The following CCDC171 variants were observed in gnomAD, a reference collection of about 807,000 sequenced individuals.
CCDC171 encodes coiled-coil domain containing 171.
In CCDC171, 177 loss-of-function variants were observed where a neutral mutation model predicts 168.2. That is an observed-to-expected ratio of 1.05 (90% confidence interval 0.93 to 1.19). The LOEUF is 1.19. Ranked by LOEUF, CCDC171 falls within the 50% of genes most tolerant of loss-of-function variation. The pLI is 0.00. For synonymous variants in CCDC171, 687 were observed against 540.8 expected (o/e 1.27, Z -3.75); for missense variants, 1,991 against 1,539.0 (o/e 1.29, Z -4.91).
intron 21 of CCDC171, among the ~76,000 whole-genome samples, chr9:15,811,664 C>T (rs2059362859): frequency 6.6e-6 from 1 of 151,944 alleles, no homozygotes; most frequent in Admixed American, 6.6e-5. Context: ...TTCTTGAGTC[C>T]TGTCTTACAT....
At position 15,971,885 on chromosome 9, in the gene CCDC171, T is replaced by G; in HGVS notation, c.*49T>G. The G allele has an allele frequency of 3.4e-6, 5 of 1,472,752 alleles. No individual in the cohort carries two copies. In the South Asian group the frequency reaches 5.9e-5, roughly 17 times the overall value. 91.2% of individuals were successfully genotyped at this position (1,472,752 alleles called of 1,614,324 possible). A position where few individuals can be genotyped will look rare whatever the true frequency, so the allele number is the denominator to read the frequency against. ...GAAGAGTTAACAGTACAATTAAAAT[T>G]GTTTTGAATGGGAATTTTCTTATCA... On this transcript the variant is annotated 3_prime_UTR_variant, in exon 26 of 26. Coordinates refer to ENST00000380701, the MANE Select transcript of CCDC171 (RefSeq NM_173550.4).
At chr9:15,643,000 T>C (rs1244149627) in intron 7 of CCDC171, among the ~76,000 whole-genome samples, 1 of 152,148 alleles carries the variant, frequency 6.6e-6, no homozygotes, top group Non-Finnish European at 1.5e-5. Flanking sequence ...TTTTGGAATC[T>C]GAGAAAATAT....
intron 5 of CCDC171, among the ~76,000 whole-genome samples, 186 bp from the exon 6 acceptor site, chr9:15,593,851 TTAAA>T (rs1564006369): frequency 6.6e-6 from 1 of 152,032 alleles, no homozygotes; most frequent in Non-Finnish European, 1.5e-5. Context: ...AATCTGTTGT[TTAAA>T]TAAACATAGT....
intron 25 of CCDC171, among the ~76,000 whole-genome samples, chr9:15,949,245 G>A (rs994482726): frequency 5.9e-5 from 9 of 152,162 alleles, no homozygotes; most frequent in African/African-American, 2.2e-4. Context: ...ATAGTTTGAA[G>A]TCAGGTAGCA....
chr9:16,032,243 C>A (rs1326656741), intron 6 of CCDC171, among the ~76,000 whole-genome samples: 2 of 152,068 alleles, frequency 1.3e-5, no homozygotes, highest in Non-Finnish European at 2.9e-5. Flanking sequence ...CAGAGGAATG[C>A]ATTTTAGAAA....
the CCDC171 span, among the ~76,000 whole-genome samples, chr9:16,080,432 A>G: frequency 3.3e-5 from 5 of 152,072 alleles, no homozygotes; most frequent in African/African-American, 1.2e-4. Context: ...TATTTCTGTT[A>G]AGCTTCTTAA....
chr9:15,795,194 A>G (rs375762697), intron 21 of CCDC171, among the ~76,000 whole-genome samples: 6 of 152,174 alleles, frequency 3.9e-5, no homozygotes, highest in African/African-American at 1.4e-4. Flanking sequence ...GTGTGCTTGC[A>G]TTCTCTGGGG....
the CCDC171 span, among the ~76,000 whole-genome samples, chr9:16,098,516 C>T: frequency 6.6e-6 from 1 of 152,202 alleles, no homozygotes; most frequent in Non-Finnish European, 1.5e-5. Flanking sequence ...GAGTAAGCCA[C>T]CTAATTTCCC....
At chr9:15,993,098 A>G (rs1319795160) in intron 3 of CCDC171, among the ~76,000 whole-genome samples, 1 of 152,140 alleles carries the variant, frequency 6.6e-6, no homozygotes, top group Non-Finnish European at 1.5e-5. Context: ...AAACTACTTT[A>G]AAGTTCATAT....
intron 8 of CCDC171, among the ~76,000 whole-genome samples, chr9:15,664,065 A>G (rs192123428): frequency 2.6e-5 from 4 of 152,138 alleles, no homozygotes; most frequent in Admixed American, 2.6e-4. Flanking sequence ...TAATGTGTAC[A>G]TATGGACATA....
chr9:15,642,362 T>TATATATATATAC lies in CCDC171; in HGVS notation c.823-14754_823-14753insCATATATATATA, dbSNP rs1564119010. Among the ~76,000 whole-genome samples, 287 of 45,086 alleles carry TATATATATATAC rather than the reference T, an allele frequency of 6.4e-3. 1 individual carries two copies. Among genetic ancestry groups the TATATATATATAC allele is most frequent in the African/African-American group, 0.014 (276 of 19,942 alleles). 29.6% of individuals were successfully genotyped at this position (45,086 alleles called of 152,430 possible). On this transcript the variant is annotated intron_variant, in intron 7 of 25. Transcript: ENST00000380701. Reference sequence around the variant, plus strand: ...GTGTGTGTATATATATATATATATATATATATATATATATATATATATGCA... The same window carrying TATATATATATAC: ...GTGTGTGTATATATATATATATATATATATATATATACATATATATATATATATATATATGCA...
chr9:16,034,910 C>T (rs557840772), intron 6 of CCDC171, among the ~76,000 whole-genome samples: 8 of 152,262 alleles, frequency 5.3e-5, no homozygotes, highest in Admixed American at 3.3e-4. Context: ...CCCCTATCCC[C>T]AGGCCAAACT....
chr9:16,010,749 T>TTA (rs111864614), intron 3 of CCDC171, among the ~76,000 whole-genome samples: 2 of 148,242 alleles, frequency 1.3e-5, no homozygotes, highest in Non-Finnish European at 3.0e-5. Context: ...AACAGTTTAT[T>TTA]AAAAAAAAAA....
chr9:16,062,404 G>A (rs763750633), downstream of CCDC171, among the ~76,000 whole-genome samples: 1 of 152,164 alleles, frequency 6.6e-6, no homozygotes, highest in South Asian at 2.1e-4. Context: ...CAACTTGAGG[G>A]TGGAAGCTGG....
chr9:15,777,336 T>C (rs1290703203), intron 18 of CCDC171, among the ~76,000 whole-genome samples: 1 of 152,164 alleles, frequency 6.6e-6, no homozygotes, highest in Non-Finnish European at 1.5e-5. Flanking sequence ...GAGTGATGAA[T>C]TTTTAGTGTC....
chr9:15,939,213 C>G (rs1023046268), intron 25 of CCDC171, among the ~76,000 whole-genome samples: 2 of 151,388 alleles, frequency 1.3e-5, no homozygotes, highest in African/African-American at 4.8e-5. Context: ...AATATTCTCA[C>G]TATTTCATGG....
At chr9:15,953,338 G>A (rs1080485) in intron 25 of CCDC171, among the ~76,000 whole-genome samples, 2 of 152,054 alleles carry the variant, frequency 1.3e-5, no homozygotes, top group East Asian at 1.9e-4. Flanking sequence ...CCTTTATTGT[G>A]TTAGGGTGAT....
chr9:15,864,487 G>T (rs1399913803), intron 23 of CCDC171, among the ~76,000 whole-genome samples: 1 of 151,924 alleles, frequency 6.6e-6, no homozygotes, highest in African/African-American at 2.4e-5. Flanking sequence ...ACAGGCCCCA[G>T]TGTGTGATGT....
chr9:15,765,921 A>T (rs979017491), intron 18 of CCDC171, among the ~76,000 whole-genome samples: 1 of 152,120 alleles, frequency 6.6e-6, no homozygotes, highest in African/African-American at 2.4e-5. Flanking sequence ...TTATTTATTT[A>T]TTAGCTATTT....
Sources: allele counts gnomAD v4.1 joint callset (sites outside exome capture counted in the v4.1 genomes callset), GRCh38; gene constraint gnomAD v4.1.1; transcripts MANE v1.5; gene names NCBI Gene and HGNC (gene_info 2026-07-23, HGNC 2026-07-21).